Variants in SFRP4 observed in about 807,000 individuals in gnomAD.
SFRP4 encodes the protein secreted frizzled related protein 4, also known as secreted frizzled-related protein 4.
A neutral mutation model predicts 36.3 loss-of-function variants in SFRP4; 25 were observed. The ratio of observed to expected loss-of-function variants is 0.69; its 90% CI spans 0.50 to 0.96. SFRP4 has a LOEUF of 0.96. Among genes scored for constraint, SFRP4 ranks in the 40% least tolerant of loss-of-function variants. The probability of loss-of-function intolerance (pLI) is 0.00; values close to 1 mark genes in which losing one functional copy is unlikely to be tolerated. For missense variants in SFRP4, 487 were observed against 459.6 expected (o/e 1.06, Z -0.54); for synonymous variants, 182 against 168.8 (o/e 1.08, Z -0.60).
intron 3 of SFRP4, among the ~76,000 whole-genome samples, chr7:37,913,295 A>G (rs769859341): frequency 1.3e-5 from 2 of 152,186 alleles, no homozygotes; most frequent in Non-Finnish European, 2.9e-5. Context: ...TCAGATTTCT[A>G]CATTTCTGTG....
Position 37,907,576 on chromosome 7 carries a change from T to C in SFRP4, c.944A>G (p.Lys315Arg), listed in dbSNP as rs758881962. 1 of 1,613,812 alleles carries C rather than the reference T, an allele frequency of 6.2e-7. No homozygotes were observed. Reference protein sequence around the residue: ...AGRTSRSNPPKPKGKPPAPKP... With the variant: ...AGRTSRSNPPRPKGKPPAPKP... ...GGGAGCAGGAGGCTTTCCCTTTGGTTTGGGGGGATTACTACGACTGGTGCG... is the reference window on the plus strand; with the variant it reads ...GGGAGCAGGAGGCTTTCCCTTTGGTCTGGGGGGATTACTACGACTGGTGCG... Residue 315 changes from lysine to arginine, a missense_variant, in exon 6 of 6, where the codon AAA (lysine) becomes AGA (arginine). Physicochemically the swap from Lys to Arg is conservative, Grantham distance 26. Transcript: ENST00000436072.
rs1785543939 is a variant in SFRP4 at position 37,914,436 on chromosome 7, T to A, written c.463A>T (p.Ile155Phe). The change falls in exon 2 of 6, where the codon ATC becomes TTC. Residue 155 changes from isoleucine to phenylalanine, a missense_variant. Physicochemically the swap from Ile to Phe is conservative, Grantham distance 21. Coordinates refer to ENST00000436072, the MANE Select transcript of SFRP4 (RefSeq NM_003014.4). ...DLPEDVKWIDITPDMMVQERP... is the reference protein window; with the variant it reads ...DLPEDVKWIDFTPDMMVQERP... ...TCCTGTACCATCATGTCTGGTGTGATGTCTATCCACTTAACATCTGAAACA... is the reference window on the plus strand; with the variant it reads ...TCCTGTACCATCATGTCTGGTGTGAAGTCTATCCACTTAACATCTGAAACA... The A allele has an allele frequency of 6.2e-7, 1 of 1,613,764 alleles. No individual in the cohort carries two copies. The highest frequency in any genetic ancestry group is 1.7e-5 in the Admixed American group (1 of 60,004).
In SFRP4 at chr7:37,913,050, C is replaced by G. The variant is rs76153621; in HGVS notation, c.593-733G>C. The stretch of plus-strand genomic sequence containing the variant: ...AAATGGTTTCTTCATCAAGGTCGTT[C>G]AAAGGCCATAACACCCCAGAGAATG... On this transcript the variant is annotated intron_variant, in intron 3 of 5. Transcript: ENST00000436072. Among the ~76,000 whole-genome samples, 202 of 152,242 alleles carry G rather than the reference C, an allele frequency of 1.3e-3. 1 individual carries two copies. Among genetic ancestry groups the G allele is most frequent in the African/African-American group, 4.7e-3 (197 of 41,544 alleles).
Position 37,907,647 on chromosome 7 carries a change from C to T in SFRP4, c.873G>A (p.Leu291=). 1 of 1,611,108 alleles carries T rather than the reference C, an allele frequency of 6.2e-7. No individual in the cohort carries two copies. Among genetic ancestry groups the T allele is most frequent in the Non-Finnish European group, 8.5e-7 (1 of 1,178,882 alleles). ...SKRSIQWEER[L]QEQRRTVQDK... is the part of the protein sequence containing the mutation. The stretch of plus-strand genomic sequence containing the variant: ...CCTGAACTGTTCTCCGCTGTTCCTG[C>T]AGCCTCTCTTCCCACTGCTGAAAAG... Residue 291 remains leucine (L), a synonymous_variant, in exon 6 of 6, where the codon CTG becomes CTA. Coordinates refer to ENST00000436072, the MANE Select transcript of SFRP4 (RefSeq NM_003014.4).
chr7:37,908,305 C>A lies in SFRP4; in HGVS notation c.856-641G>T, dbSNP rs145726612. ...TTCTTTAAATAGCTCAAGTAAGGAA[C>A]AATAAAAAAGTGAGTCCACTTGAAT... On this transcript the variant is annotated intron_variant, in intron 5 of 5. Transcript: ENST00000436072. Among the ~76,000 whole-genome samples the A allele has an allele frequency of 1.4e-4, 22 of 152,206 alleles. No individual in the cohort carries two copies. In the South Asian group the frequency reaches 4.6e-3, roughly 32 times the overall value.
intron 1 of SFRP4, among the ~76,000 whole-genome samples, chr7:37,915,620 A>G (rs1785561111): frequency 6.6e-6 from 1 of 152,042 alleles, no homozygotes; most frequent in Non-Finnish European, 1.5e-5. Context: ...GCAATTACAA[A>G]TCTCACTCCT....
chr7:37,912,225 G>C lies in SFRP4; in HGVS notation c.685C>G (p.Pro229Ala). 1.9e-6 allele frequency: 3 copies of C among 1,614,040 alleles called. No individual in the cohort carries two copies. Among genetic ancestry groups the C allele is most frequent in the Non-Finnish European group, 2.5e-6 (3 of 1,179,898 alleles). The change falls in exon 4 of 6, where the codon CCC (proline) becomes GCC (alanine). Residue 229 changes from proline (P) to alanine (A), a missense_variant. Coordinates refer to ENST00000436072, the MANE Select transcript of SFRP4 (RefSeq NM_003014.4). ...DVKEIFKSSS[P>A]IPRTQVPLIT... is the part of the protein sequence containing the mutation. ...AGCGGGACTTGAGTTCGAGGGATGG[G>C]TGATGAGGACTTGAAGATCTCTTTT...
Position 37,916,052 on chromosome 7 carries a change from G to T in SFRP4, c.445+41C>A. 1 of 1,576,208 alleles carries T rather than the reference G, an allele frequency of 6.3e-7. No individual in the cohort carries two copies. Among genetic ancestry groups the T allele is most frequent in the Non-Finnish European group, 8.6e-7 (1 of 1,158,700 alleles). ...GTTCTCGATTGGCAGCCACAGCCCC[G>T]GGCGCCTCCTCGCCTCCCTCCATCC... On this transcript the variant is annotated intron_variant, in intron 1 of 5. Transcript: ENST00000436072. This position sits in a 1 kb window ranked among gnomAD's most constrained non-coding sequence, Gnocchi z 4.1.
chr7:37,907,755 T>A, intron 5 of SFRP4, 91 bp from the exon 6 acceptor site: 1 of 852,990 alleles, frequency 1.2e-6, no homozygotes, highest in Non-Finnish European at 1.8e-6. Context: ...TTTTTCACTG[T>A]AATATATTAA....
At position 37,916,007 on chromosome 7, in the gene SFRP4, G is replaced by A; in HGVS notation, c.445+86C>T. The A allele has an allele frequency of 6.6e-7, 1 of 1,523,806 alleles. No individual in the cohort carries two copies. The highest frequency in any genetic ancestry group is 1.3e-5 in the South Asian group (1 of 76,962). 94.4% of individuals were successfully genotyped at this position (1,523,806 alleles called of 1,614,324 possible). On this transcript the variant is annotated intron_variant, in intron 1 of 5. Transcript: ENST00000436072. The surrounding 1 kb of genome is among the most constrained non-coding windows in gnomAD (Gnocchi z 4.1). The stretch of plus-strand genomic sequence containing the variant: ...CTACAAGCCTCAGACGCCCCTGGCA[G>A]CCTTAGGTGTGGCCGCCCAGTTCTC...
rs1287119001 is a variant in SFRP4, at chr7:37,906,966, A to G, written c.*513T>C. ...TTTCATCACAAAAATCCTTCTGCAG[A>G]CCATAAACACATAAAGATCTTTTAG... On this transcript the variant is annotated 3_prime_UTR_variant, in exon 6 of 6. Transcript: ENST00000436072. 1.3e-5 allele frequency: 2 copies of G among 152,238 alleles called. No homozygotes were observed. The highest frequency in any genetic ancestry group is 4.8e-5 in the African/African-American group (2 of 41,462). 9.4% of individuals were successfully genotyped at this position (152,238 alleles called of 1,614,324 possible).
Position 37,912,236 on chromosome 7 carries a change from T to C in SFRP4, c.674A>G (p.Lys225Arg). ...TTVVDVKEIF[K>R]SSSPIPRTQV... ...AGTTCGAGGGATGGGTGATGAGGAC[T>C]TGAAGATCTCTTTTACATCCACCAC... is the stretch of plus-strand genomic sequence containing the variant. Residue 225 changes from lysine to arginine, a missense_variant, in exon 4 of 6, where the codon AAG (lysine) becomes AGG (arginine). Lys to Arg is a conservative substitution (Grantham distance 26). Transcript: ENST00000436072. 1 of 1,614,128 alleles carries C rather than the reference T, an allele frequency of 6.2e-7. No individual in the cohort carries two copies. Among genetic ancestry groups the C allele is most frequent in the South Asian group, 1.1e-5 (1 of 91,084 alleles).
rs770665927 is a variant in SFRP4 at position 37,907,324 on chromosome 7, T to C, written c.*155A>G. Reference sequence around the variant, plus strand: ...TGGCTTACAAAGAAAAACTGAAGCATAGCCTTAAGAAAAATGCTGCAAGAT... The same window carrying C: ...TGGCTTACAAAGAAAAACTGAAGCACAGCCTTAAGAAAAATGCTGCAAGAT... On this transcript the variant is annotated 3_prime_UTR_variant, in exon 6 of 6. Transcript: ENST00000436072. 30 of 612,322 alleles carry C rather than the reference T, an allele frequency of 4.9e-5. No individual in the cohort carries two copies. Among genetic ancestry groups the C allele is most frequent in the Non-Finnish European group, 8.1e-5 (29 of 356,368 alleles). 37.9% of individuals were successfully genotyped at this position (612,322 alleles called of 1,614,324 possible).
Position 37,916,245 on chromosome 7 carries a change from T to C in SFRP4, c.293A>G (p.Lys98Arg). 1 of 1,614,134 alleles carries C rather than the reference T, an allele frequency of 6.2e-7. No individual in the cohort carries two copies. Among genetic ancestry groups the C allele is most frequent in the Non-Finnish European group, 8.5e-7 (1 of 1,180,006 alleles). Reference protein sequence around the residue: ...EFLHDPIKPCKSVCQRARDDC... With the variant: ...EFLHDPIKPCRSVCQRARDDC... ...GTCGCGCGCGCGTTGGCACACCGAC[T>C]TGCACGGCTTGATAGGGTCGTGCAG... The change falls in exon 1 of 6, where the codon AAG becomes AGG. Residue 98 changes from lysine (K) to arginine (R), a missense_variant. Coordinates refer to ENST00000436072, the MANE Select transcript of SFRP4 (RefSeq NM_003014.4). This position sits in a 1 kb window ranked among gnomAD's most constrained non-coding sequence, Gnocchi z 4.1.
intron 4 of SFRP4, among the ~76,000 whole-genome samples, chr7:37,911,418 C>T (rs977509870): frequency 5.9e-5 from 9 of 152,070 alleles, no homozygotes; most frequent in African/African-American, 2.2e-4. Flanking sequence ...ACTGCATCAA[C>T]TTATGGGGCC....
At position 37,916,733 on chromosome 7, in the gene SFRP4, C is replaced by T; in HGVS notation, c.-196G>A. The T allele has an allele frequency of 1.3e-6, 1 of 797,464 alleles. No individual in the cohort carries two copies. Among genetic ancestry groups the T allele is most frequent in the Non-Finnish European group, 1.9e-6 (1 of 517,670 alleles). 49.4% of individuals were successfully genotyped at this position (797,464 alleles called of 1,614,324 possible). A position where few individuals can be genotyped will look rare whatever the true frequency, so the allele number is the denominator to read the frequency against. On this transcript the variant is annotated 5_prime_UTR_variant, in exon 1 of 6. Transcript: ENST00000436072. This position sits in a 1 kb window ranked among gnomAD's most constrained non-coding sequence, Gnocchi z 4.1. ...GAGCTCCGCCGTCTGGCACACAGGG[C>T]ACGAGCAGCGCCAGCTCTCAGCCTT...
chr7:37,909,035 T>C (rs1392100907), intron 5 of SFRP4, among the ~76,000 whole-genome samples: 1 of 152,156 alleles, frequency 6.6e-6, no homozygotes, highest in Non-Finnish European at 1.5e-5. Context: ...TTACCTGGTG[T>C]CTTTAGATTG....
In SFRP4 at chr7:37,916,059, T is replaced by C. The variant is rs753109265; in HGVS notation, c.445+34A>G. ...ATTGGCAGCCACAGCCCCGGGCGCC[T>C]CCTCGCCTCCCTCCATCCTTCCTAC... On this transcript the variant is annotated intron_variant, in intron 1 of 5. Coordinates refer to ENST00000436072, the MANE Select transcript of SFRP4 (RefSeq NM_003014.4). This position sits in a 1 kb window ranked among gnomAD's most constrained non-coding sequence, Gnocchi z 4.1. The C allele has an allele frequency of 1.3e-6, 2 of 1,584,436 alleles. No homozygotes were observed. Among genetic ancestry groups the C allele is most frequent in the South Asian group, 1.2e-5 (1 of 86,718 alleles).
At chr7:37,908,629 G>A (rs539403577) in intron 5 of SFRP4, among the ~76,000 whole-genome samples, 1 of 152,236 alleles carries the variant, frequency 6.6e-6, no homozygotes, top group South Asian at 2.1e-4. Context: ...CTTTCCTCTT[G>A]GCAAGCTCAG....
Sources: allele counts gnomAD v4.1 joint callset (sites outside exome capture counted in the v4.1 genomes callset), GRCh38; gene constraint gnomAD v4.1.1; non-coding constraint Gnocchi (gnomAD v3.1); transcripts MANE v1.5; gene names NCBI Gene and HGNC (gene_info 2026-07-23, HGNC 2026-07-21).